The following XPO6 variants were observed in gnomAD, a reference collection of about 807,000 sequenced individuals.
XPO6 encodes the protein exportin-6.
XPO6 carries 3 observed loss-of-function variants against 130.0 expected under a neutral mutation model. That is an observed-to-expected ratio of 0.02 (90% CI 0.01 to 0.06). The LOEUF is 0.06. XPO6 is among the 10% of genes least tolerant of loss of function. The pLI is 1.00. For synonymous variants in XPO6, 524 were observed against 548.9 expected, an observed-to-expected ratio of 0.95 and a Z score of 0.63; for missense variants, 970 against 1,393.0, an observed-to-expected ratio of 0.70 and a Z score of 4.83.
At chr16:28,153,626 A>C in intron 7 of XPO6, 1 of 985,430 alleles carries the variant, frequency 1.0e-6, no homozygotes, top group Non-Finnish European at 1.2e-6. Flanking sequence ...TCACTCTCAC[A>C]TTTCAGAAAC....
rs753097036 is a variant in XPO6 at position 28,125,809 on chromosome 16, C to A, written c.1646G>T (p.Arg549Leu). ...CAAGTCTCTCAGGGAGCAGTGCAGC[C>A]GCCGGCAGTCGTTCTCCGCCGTGAT... is the stretch of plus-strand genomic sequence containing the variant. ...LNITAENDCR[R>L]LHCSLRDLSS... Residue 549 changes from arginine to leucine, a missense_variant, in exon 13 of 24, where the codon CGG (arginine) becomes CTG (leucine). Transcript: ENST00000304658. 6.2e-7 allele frequency: 1 copy of A among 1,614,130 alleles called. No individual in the cohort carries two copies. The highest frequency in any genetic ancestry group is 1.7e-5 in the Admixed American group (1 of 60,020).
At chr16:28,152,562 T>C in intron 8 of XPO6, 97 bp downstream of exon 8, 1 of 1,425,192 alleles carries the variant, frequency 7.0e-7, no homozygotes, top group Non-Finnish European at 9.5e-7. Context: ...TATATTAATG[T>C]TTGGAAAATA....
At chr16:28,155,436 A>G (rs1277758784) in intron 7 of XPO6, among the ~76,000 whole-genome samples, 1 of 151,746 alleles carries the variant, frequency 6.6e-6, no homozygotes, top group Non-Finnish European at 1.5e-5. Context: ...ACTGTGATGG[A>G]GTCGTCTTTT....
intron 21 of XPO6, 96 bp downstream of exon 21, chr16:28,104,450 G>A (rs1462282611): frequency 2.1e-6 from 3 of 1,463,278 alleles, no homozygotes; most frequent in Non-Finnish European, 2.8e-6. Context: ...GCAGAACTGA[G>A]CTTCAGACCC....
intron 2 of XPO6, 88 bp downstream of exon 2, chr16:28,180,853 T>TGACC: frequency 9.4e-7 from 1 of 1,058,586 alleles, no homozygotes; most frequent in African/African-American, 1.6e-5. Flanking sequence ...CACGCAGACT[T>TGACC]GACCAGTCAC....
chr16:28,152,398 C>G (rs1468795780), intron 8 of XPO6, among the ~76,000 whole-genome samples: 1 of 152,118 alleles, frequency 6.6e-6, no homozygotes, highest in Non-Finnish European at 1.5e-5. Context: ...GGTTCAGATC[C>G]CAGCTCCACC....
rs768748261 is a variant in XPO6 at position 28,106,542 on chromosome 16, A to AG, written c.2498-46dup. ...TATCGTCAGAGGCTTGCACACAGTGAGAACCAGAACCCTGGGCTTCATCAA... is the reference window on the plus strand; with the variant it reads ...TATCGTCAGAGGCTTGCACACAGTGAGGAACCAGAACCCTGGGCTTCATCAA... On this transcript the variant is annotated intron_variant, in intron 18 of 23. Transcript: ENST00000304658. The surrounding 1 kb of genome is among the most constrained non-coding windows in gnomAD (Gnocchi z 4.2). The AG allele has an allele frequency of 1.3e-6, 2 of 1,501,074 alleles. No homozygotes were observed. Among genetic ancestry groups the AG allele is most frequent in the East Asian group, 4.5e-5 (2 of 44,332 alleles). The allele number at this position is 1,501,074 out of a possible 1,614,324, so 93.0% of individuals were successfully genotyped here. A position where few individuals can be genotyped will look rare whatever the true frequency, so the allele number is the denominator to read the frequency against.
chr16:28,118,970 G>A (rs185010358), intron 14 of XPO6, among the ~76,000 whole-genome samples: 105 of 152,290 alleles, frequency 6.9e-4, no homozygotes, highest in African/African-American at 2.5e-3. Context: ...CTGTTTCTAG[G>A]AGCTTTCAGC....
chr16:28,196,782 C>A (rs1056642833), intron 1 of XPO6, among the ~76,000 whole-genome samples: 1 of 152,098 alleles, frequency 6.6e-6, no homozygotes. Context: ...AAGGGCCTGG[C>A]GCCTCTCCTC....
intron 8 of XPO6, among the ~76,000 whole-genome samples, chr16:28,146,878 G>C (rs1279821085): frequency 6.6e-6 from 1 of 152,172 alleles, no homozygotes; most frequent in Non-Finnish European, 1.5e-5. Flanking sequence ...GTACAATGAA[G>C]ACCACTGCAC....
intron 9 of XPO6, among the ~76,000 whole-genome samples, chr16:28,145,740 C>T (rs1288155896): frequency 6.6e-6 from 1 of 152,176 alleles, no homozygotes; most frequent in Non-Finnish European, 1.5e-5. Flanking sequence ...TACAGGAACC[C>T]ACTTCCCTTC....
intron 6 of XPO6, among the ~76,000 whole-genome samples, chr16:28,158,242 G>C (rs1249239738): frequency 1.3e-5 from 2 of 152,076 alleles, no homozygotes; most frequent in Non-Finnish European, 2.9e-5. Flanking sequence ...TGATTACGGG[G>C]AAGGGAGTCC....
chr16:28,150,394 A>G lies in XPO6; in HGVS notation c.1224+2265T>C, dbSNP rs149463353. On this transcript the variant is annotated intron_variant, in intron 8 of 23. Coordinates refer to ENST00000304658, the MANE Select transcript of XPO6 (RefSeq NM_015171.4). ...TAAAACCACCATTTTCAATTCGATG[A>G]CACATAGGAGTCTACTGAAAGAATC... is the stretch of plus-strand genomic sequence containing the variant. 2.6e-5 allele frequency among the ~76,000 whole-genome samples: 4 copies of G among 152,248 alleles called. No individual in the cohort carries two copies. In the East Asian group the frequency reaches 5.8e-4, roughly 22 times the overall value.
rs763761290 is a variant in XPO6 at position 28,156,192 on chromosome 16, T to C, written c.979A>G (p.Met327Val). 1.1e-5 allele frequency: 18 copies of C among 1,613,978 alleles called. No individual in the cohort carries two copies. Among genetic ancestry groups the C allele is most frequent in the South Asian group, 3.3e-5 (3 of 91,086 alleles). The part of the protein sequence containing the change: ...NELMSKNCVP[M>V]EFEEYLLRMF... ...CGCAGTAAATACTCCTCAAATTCCATAGGCACACAGTTCTTGGACATGAGT... is the reference window on the plus strand; with the variant it reads ...CGCAGTAAATACTCCTCAAATTCCACAGGCACACAGTTCTTGGACATGAGT... Residue 327 changes from methionine (M) to valine (V), a missense_variant, in exon 7 of 24, where the codon ATG becomes GTG. Coordinates refer to ENST00000304658, the MANE Select transcript of XPO6 (RefSeq NM_015171.4).
At chr16:28,117,679 T>G (rs1346691137) in intron 14 of XPO6, among the ~76,000 whole-genome samples, 1 of 152,212 alleles carries the variant, frequency 6.6e-6, no homozygotes, top group Non-Finnish European at 1.5e-5. Flanking sequence ...CAGAAGGCAG[T>G]TAGTCAATGT....
chr16:28,186,371 A>ATCCTTTTTTTTTTTTTTTTTT (rs2043692526), intron 1 of XPO6, among the ~76,000 whole-genome samples: 1 of 10,136 alleles, frequency 9.9e-5, no homozygotes, highest in African/African-American at 4.1e-4. Flanking sequence ...TGCCCCAGTT[A>ATCCTTTTTTTTTTTTTTTTTT]TTCTTTTTTT....
intron 17 of XPO6, among the ~76,000 whole-genome samples, chr16:28,109,900 T>C (rs748359289): frequency 3.3e-5 from 5 of 152,246 alleles, no homozygotes; most frequent in Non-Finnish European, 5.9e-5. Flanking sequence ...GTGTCAATTA[T>C]CTGCAACTTA....
intron 12 of XPO6, among the ~76,000 whole-genome samples, chr16:28,130,038 C>T (rs1292328251): frequency 2.6e-5 from 4 of 152,242 alleles, no homozygotes; most frequent in Non-Finnish European, 5.9e-5. Context: ...CAGCACAGAG[C>T]AACCAACGTG....
chr16:28,106,223 G>A lies in XPO6; in HGVS notation c.2613-9C>T, dbSNP rs1159650223. On this transcript the variant is annotated splice_polypyrimidine_tract_variant and intron_variant, in intron 19 of 23. Transcript: ENST00000304658. This position sits in a 1 kb window ranked among gnomAD's most constrained non-coding sequence, Gnocchi z 4.2. ...TCTCGGCTAACTGCTCTCTACAGAG[G>A]AGAAAGCCACACAGTGAGCAACCAC... The A allele has an allele frequency of 1.9e-6, 3 of 1,613,696 alleles. No individual in the cohort carries two copies. Among genetic ancestry groups the A allele is most frequent in the Admixed American group, 1.7e-5 (1 of 60,012 alleles).
Sources: gnomAD v4.1 joint callset for allele counts (sites outside exome capture counted in the v4.1 genomes callset) on GRCh38, gnomAD v4.1.1 for gene constraint, Gnocchi (gnomAD v3.1) non-coding constraint, MANE v1.5 for transcripts, NCBI Gene and HGNC (gene_info 2026-07-23, HGNC 2026-07-21) for gene names.